POLR3B: variants seen among roughly 807,000 people sequenced by gnomAD.
POLR3B encodes RNA polymerase III subunit B.
A neutral mutation model predicts 147.4 loss-of-function variants in POLR3B; 96 were observed. That is an observed-to-expected ratio of 0.65 (90% CI 0.55 to 0.77). POLR3B has a LOEUF of 0.77. Among genes scored for constraint, POLR3B ranks in the 30% least tolerant of loss-of-function variants. The pLI is 0.00. For missense variants in POLR3B, 1,036 were observed against 1,413.5 expected (o/e 0.73, Z 4.28); for synonymous variants, 461 against 485.9 (o/e 0.95, Z 0.67).
Position 106,410,791 on chromosome 12 carries a change from T to C in POLR3B, c.967-35T>C, listed in dbSNP as rs1346687434. On this transcript the variant is annotated intron_variant, in intron 11 of 27. Transcript: ENST00000228347. ...AGGTACGTTAAATTTTAATGTCCAT[T>C]TTCTCAAAATTTTTCTCCAATTTCT... The C allele has an allele frequency of 3.1e-6, 5 of 1,603,312 alleles. No homozygotes were observed. The African/African-American group carries it at 4.0e-5, about 13-fold the overall frequency.
At chr12:106,489,697 C>T (rs1200818653) in intron 23 of POLR3B, among the ~76,000 whole-genome samples, 1 of 152,062 alleles carries the variant, frequency 6.6e-6, no homozygotes, top group Non-Finnish European at 1.5e-5. Context: ...TTTGTTAGTC[C>T]TTTTTTCTGT....
intron 12 of POLR3B, among the ~76,000 whole-genome samples, chr12:106,422,625 AT>A (rs1479143656): frequency 4.6e-5 from 7 of 152,200 alleles, no homozygotes; most frequent in African/African-American, 1.7e-4. Flanking sequence ...CATTTATTGT[AT>A]AGTCTTTCAT....
In POLR3B at chr12:106,454,725, C is replaced by T. The variant is rs1384892149; in HGVS notation, c.2293+14C>T. 2 of 1,453,624 alleles carry T rather than the reference C, an allele frequency of 1.4e-6. No individual in the cohort carries two copies. The highest frequency in any genetic ancestry group is 2.8e-5 in the African/African-American group (2 of 71,872). The allele number at this position is 1,453,624 out of a possible 1,614,324, so 90.0% of individuals were successfully genotyped here. On this transcript the variant is annotated intron_variant, in intron 20 of 27. Transcript: ENST00000228347. Reference sequence around the variant, plus strand: ...CTTTAGACAGAGGTAAGTGAATTTTCAAAACTAACACCAAAGTTGCTTTTT... The same window carrying T: ...CTTTAGACAGAGGTAAGTGAATTTTTAAAACTAACACCAAAGTTGCTTTTT...
At chr12:106,454,013 A>G (rs1446484172) in intron 19 of POLR3B, among the ~76,000 whole-genome samples, 1 of 152,148 alleles carries the variant, frequency 6.6e-6, no homozygotes, top group African/African-American at 2.4e-5. Context: ...CTCTTTGTTC[A>G]TTCTTTTTCT....
At chr12:106,452,193 G>T (rs1407430576) in intron 19 of POLR3B, among the ~76,000 whole-genome samples, 1 of 152,128 alleles carries the variant, frequency 6.6e-6, no homozygotes, top group Non-Finnish European at 1.5e-5. Flanking sequence ...GAAGTTTTAT[G>T]ATATAGAATA....
chr12:106,379,290 C>G (rs370492643), intron 8 of POLR3B, among the ~76,000 whole-genome samples: 1 of 152,182 alleles, frequency 6.6e-6, no homozygotes, highest in East Asian at 1.9e-4. Context: ...AACTTTGGAG[C>G]CAAGGCAATT....
intron 9 of POLR3B, among the ~76,000 whole-genome samples, chr12:106,389,190 C>A (rs960086200): frequency 6.6e-6 from 1 of 152,188 alleles, no homozygotes; most frequent in Non-Finnish European, 1.5e-5. Flanking sequence ...GCTGTGACTA[C>A]TGAAGGCTAA....
intron 6 of POLR3B, among the ~76,000 whole-genome samples, chr12:106,374,883 A>G (rs145199343): frequency 4.3e-4 from 66 of 152,280 alleles, no homozygotes; most frequent in Non-Finnish European, 6.9e-4. Context: ...GCATTTGTTT[A>G]TATCCACACA....
chr12:106,484,681 G>A (rs1449815280), intron 23 of POLR3B, among the ~76,000 whole-genome samples: 1 of 151,936 alleles, frequency 6.6e-6, no homozygotes, highest in Non-Finnish European at 1.5e-5. Flanking sequence ...AGAGTGGATG[G>A]TTTAGAGGTG....
intron 10 of POLR3B, among the ~76,000 whole-genome samples, chr12:106,393,605 G>C (rs1375573262): frequency 2.7e-5 from 4 of 149,316 alleles, no homozygotes; most frequent in Non-Finnish European, 5.9e-5. Flanking sequence ...AGTTGTATGT[G>C]GTTTCTATTT....
At chr12:106,494,906 A>C (rs1368399740) in intron 23 of POLR3B, among the ~76,000 whole-genome samples, 4 of 152,200 alleles carry the variant, frequency 2.6e-5, no homozygotes, top group Non-Finnish European at 5.9e-5. Flanking sequence ...ACCTAGGAAA[A>C]TGGCATTCTT....
At chr12:106,428,174 A>C (rs1434515930) in intron 13 of POLR3B, among the ~76,000 whole-genome samples, 2 of 152,182 alleles carry the variant, frequency 1.3e-5, no homozygotes, top group Non-Finnish European at 2.9e-5. Flanking sequence ...TAGTGGCCCA[A>C]AGTCGTCTGA....
intron 10 of POLR3B, among the ~76,000 whole-genome samples, chr12:106,393,944 G>C (rs55914217): frequency 0.027 from 4,037 of 152,210 alleles, 167 homozygotes; most frequent in African/African-American, 0.093. Flanking sequence ...ATCCTGGGAG[G>C]TGGGAATTCC....
chr12:106,461,283 A>G (rs1188941480), intron 22 of POLR3B, among the ~76,000 whole-genome samples: 1 of 152,006 alleles, frequency 6.6e-6, no homozygotes, highest in African/African-American at 2.4e-5. Flanking sequence ...TTACAAAAAC[A>G]AAAAATACAA....
At chr12:106,501,282 A>C (rs115506843) in intron 25 of POLR3B, 41 bp from the exon 26 acceptor site, 1 of 1,305,370 alleles carries the variant, frequency 7.7e-7, no homozygotes, top group South Asian at 1.2e-5. Context: ...TGTTAGCCCA[A>C]ACTTAGTTTC....
At chr12:106,407,422 A>G (rs1274284794) in intron 11 of POLR3B, among the ~76,000 whole-genome samples, 2 of 152,208 alleles carry the variant, frequency 1.3e-5, no homozygotes, top group African/African-American at 4.8e-5. Context: ...ACAGCTCCCC[A>G]TGTAGTTCTC....
At chr12:106,446,415 CACAA>C in intron 19 of POLR3B, 7 of 127,528 alleles carry the variant, frequency 5.5e-5, no homozygotes, top group East Asian at 1.5e-4. Flanking sequence ...CTCCTCTCCC[CACAA>C]AAAAAAAAAA....
chr12:106,444,434 A>C, intron 18 of POLR3B, 29 bp from the exon 19 acceptor site: 1 of 1,612,392 alleles, frequency 6.2e-7, no homozygotes, highest in Non-Finnish European at 8.5e-7. Flanking sequence ...TTGATGCTTA[A>C]GATATGTGAT....
chr12:106,448,034 C>T (rs1192010002), intron 19 of POLR3B, among the ~76,000 whole-genome samples: 3 of 152,056 alleles, frequency 2.0e-5, no homozygotes, highest in Non-Finnish European at 2.9e-5. Context: ...CATTCTACAC[C>T]TCCTCCCCCT....
Sources: allele counts gnomAD v4.1 joint callset (sites outside exome capture counted in the v4.1 genomes callset), GRCh38; gene constraint gnomAD v4.1.1; transcripts MANE v1.5; gene names NCBI Gene and HGNC (gene_info 2026-07-23, HGNC 2026-07-21).